Variants in HLTF observed in about 807,000 individuals in gnomAD.
HLTF encodes helicase like transcription factor, also known as DNA-dependent ATPase/E3 ubiquitin-protein ligase HLTF.
Under a neutral mutation model 129.4 loss-of-function variants are expected in HLTF, and 127 were observed. That is an observed-to-expected ratio of 0.98 (90% CI 0.85 to 1.14). The LOEUF (loss-of-function observed/expected upper bound fraction) is 1.14, where lower values mean the gene tolerates loss of function less well. HLTF is among the 50% of genes most tolerant of loss of function. The probability of loss-of-function intolerance (pLI) is 0.00; values close to 1 mark genes in which losing one functional copy is unlikely to be tolerated. For synonymous variants in HLTF, 332 were observed against 388.8 expected, an observed-to-expected ratio of 0.85 and a Z score of 1.72; for missense variants, 1,139 against 1,187.1, an observed-to-expected ratio of 0.96 and a Z score of 0.60.
chr3:149,075,640 T>C (rs983820324), intron 3 of HLTF, among the ~76,000 whole-genome samples: 5 of 152,214 alleles, frequency 3.3e-5, no homozygotes, highest in African/African-American at 1.2e-4. Flanking sequence ...TTCCTAATAT[T>C]TGAACCAAGG....
intron 2 of HLTF, among the ~76,000 whole-genome samples, chr3:149,078,588 T>C (rs962295739): frequency 1.3e-4 from 20 of 152,028 alleles, no homozygotes; most frequent in African/African-American, 4.3e-4. Flanking sequence ...CCGGGCACAG[T>C]GGCTCACGCC....
intron 2 of HLTF, among the ~76,000 whole-genome samples, chr3:149,082,104 C>T (rs553070128): frequency 3.3e-5 from 5 of 152,282 alleles, no homozygotes; most frequent in Non-Finnish European, 4.4e-5. Flanking sequence ...TAAAATAGTA[C>T]ATACTGTAGA....
At chr3:149,066,129 C>T (rs35042588) in intron 8 of HLTF, among the ~76,000 whole-genome samples, 3,727 of 152,092 alleles carry the variant, frequency 0.025, 75 homozygotes, top group Non-Finnish European at 0.039. Context: ...TCATTGAAAC[C>T]TCTACCTCCT....
rs1260212274 is a variant in HLTF at position 149,031,971 on chromosome 3, A to G, written c.*249T>C. The G allele has an allele frequency of 3.8e-6, 1 of 264,220 alleles. No individual in the cohort carries two copies. 16.4% of individuals were successfully genotyped at this position (264,220 alleles called of 1,614,324 possible). A position where few individuals can be genotyped will look rare whatever the true frequency, so the allele number is the denominator to read the frequency against. ...CAGCATAGATATTATGAAAAGCTGA[A>G]TAACAAAGTAACCTTTTTTCTCAAA... On this transcript the variant is annotated 3_prime_UTR_variant, in exon 25 of 25. Coordinates refer to ENST00000310053, the MANE Select transcript of HLTF (RefSeq NM_003071.4).
Position 149,043,703 on chromosome 3 carries a change from A to G in HLTF, c.2073-1413T>C, listed in dbSNP as rs139808349. Among the ~76,000 whole-genome samples, 483 of 152,300 alleles carry G rather than the reference A, an allele frequency of 3.2e-3. 2 individuals carry two copies. The highest frequency in any genetic ancestry group is 0.018 in the South Asian group (85 of 4,834). On this transcript the variant is annotated intron_variant, in intron 18 of 24. Transcript: ENST00000310053. ...TTTAAGTATTTTAAGGCAACAGAAG[A>G]AATATAGCCTAACGGCTAAGAGTAC...
chr3:149,041,430 T>C, intron 20 of HLTF, 60 bp downstream of exon 20: 1 of 1,072,718 alleles, frequency 9.3e-7, no homozygotes, highest in Non-Finnish European at 1.3e-6. Context: ...TCTTTTATTA[T>C]ATTAAAGACA....
At position 149,036,536 on chromosome 3, in the gene HLTF, C is replaced by A. The variant is rs529440176; in HGVS notation, c.2797-1538G>T. On this transcript the variant is annotated intron_variant, in intron 23 of 24. Transcript: ENST00000310053. ...TCTCTTGACCTCATGATCCGCCCAC[C>A]TCGGCCTCCCACAAAGTGCTGGGAT... Among the ~76,000 whole-genome samples, 26 of 152,136 alleles carry A rather than the reference C, an allele frequency of 1.7e-4. No individual in the cohort carries two copies. The Middle Eastern group carries it at 0.01, about 60-fold the overall frequency.
At chr3:149,047,739 A>C (rs1716671886) in intron 17 of HLTF, among the ~76,000 whole-genome samples, 1 of 152,232 alleles carries the variant, frequency 6.6e-6, no homozygotes, top group South Asian at 2.1e-4. Flanking sequence ...TTCCTGCTAA[A>C]TCTGTTAATG....
chr3:149,084,754 A>G lies in HLTF; in HGVS notation c.156T>C (p.Asp52=), dbSNP rs1720201785. ...CAAATAAAACGGAATCTACTTCTTC[A>G]TCACTAGTTAGAAAGTCATCTGGAG... ...VIPPDDFLTS[D]EEVDSVLFGS... is the part of the protein sequence containing the mutation. The change falls in exon 2 of 25, where the codon GAT becomes GAC. Residue 52 remains aspartate, a synonymous_variant. Coordinates refer to ENST00000310053, the MANE Select transcript of HLTF (RefSeq NM_003071.4). 6.2e-7 allele frequency: 1 copy of G among 1,613,986 alleles called. No individual in the cohort carries two copies. Among genetic ancestry groups the G allele is most frequent in the Non-Finnish European group, 8.5e-7 (1 of 1,179,988 alleles).
Position 149,035,910 on chromosome 3 carries a change from C to A in HLTF, c.2797-912G>T, listed in dbSNP as rs370131290. ...CAGCACTTTGGGAGGCCGAGGCAGG[C>A]AGATCACGAGTTCAGGAGATCGAGA... On this transcript the variant is annotated intron_variant, in intron 23 of 24. Coordinates refer to ENST00000310053, the MANE Select transcript of HLTF (RefSeq NM_003071.4). 3.3e-4 allele frequency among the ~76,000 whole-genome samples: 50 copies of A among 151,824 alleles called. 1 individual carries two copies. Among genetic ancestry groups the A allele is most frequent in the African/African-American group, 1.0e-3 (43 of 41,426 alleles).
rs1715042600 is a variant in HLTF, at chr3:149,031,545, T to G, written c.*675A>C. 6.6e-6 allele frequency: 1 copy of G among 152,580 alleles called. No individual in the cohort carries two copies. Among genetic ancestry groups the G allele is most frequent in the South Asian group, 2.1e-4 (1 of 4,824 alleles). The allele number at this position is 152,580 out of a possible 1,614,324, so 9.5% of individuals were successfully genotyped here. On this transcript the variant is annotated 3_prime_UTR_variant, in exon 25 of 25. Transcript: ENST00000310053. ...ATACCTCAGACACAGCAAGTTACATTTAAACAATGAGTGTAGTACTACTTA... is the reference window on the plus strand; with the variant it reads ...ATACCTCAGACACAGCAAGTTACATGTAAACAATGAGTGTAGTACTACTTA...
In HLTF at chr3:149,084,613, G is replaced by A. The variant is rs1350263350; in HGVS notation, c.228+69C>T. The A allele has an allele frequency of 8.9e-6, 10 of 1,122,422 alleles. No homozygotes were observed. The Admixed American group carries it at 1.0e-4, about 11-fold the overall frequency. The allele number at this position is 1,122,422 out of a possible 1,614,324, so 69.5% of individuals were successfully genotyped here. ...AAGATTAACCGCACACATCACCTGC[G>A]AATTCTCTTATTTTCTAGGTTAACG... On this transcript the variant is annotated intron_variant, in intron 2 of 24. Transcript: ENST00000310053.
intron 13 of HLTF, among the ~76,000 whole-genome samples, chr3:149,056,909 A>G (rs1255081105): frequency 6.6e-6 from 1 of 151,518 alleles, no homozygotes; most frequent in East Asian, 1.9e-4. Flanking sequence ...GGAGCTCGAG[A>G]CCATCCTGGC....
At chr3:149,036,148 A>G (rs1292058019) in intron 23 of HLTF, among the ~76,000 whole-genome samples, 4 of 151,972 alleles carry the variant, frequency 2.6e-5, no homozygotes, top group African/African-American at 9.7e-5. Flanking sequence ...AAAAAACAAA[A>G]AACAAAAAAC....
chr3:149,071,410 G>C lies in HLTF; in HGVS notation c.736C>G (p.Gln246Glu), dbSNP rs757018453. Reference sequence around the variant, plus strand: ...CGTGACACCATCCAAGCTAGAGCTTGTTTTTGATGTGGAAGCAGTGGTGTT... The same window carrying C: ...CGTGACACCATCCAAGCTAGAGCTTCTTTTTGATGTGGAAGCAGTGGTGTT... ...IETPLLPHQKQALAWMVSREN... is the reference protein window; with the variant it reads ...IETPLLPHQKEALAWMVSREN... The change falls in exon 7 of 25, where the codon CAA becomes GAA. Residue 246 changes from glutamine (Q) to glutamate (E), a missense_variant. Gln to Glu is a conservative substitution (Grantham distance 29). Coordinates refer to ENST00000310053, the MANE Select transcript of HLTF (RefSeq NM_003071.4). 6.2e-7 allele frequency: 1 copy of C among 1,613,246 alleles called. No homozygotes were observed.
rs188730548 is a variant in HLTF at position 149,073,844 on chromosome 3, C to G, written c.529+371G>C. 6.7e-3 allele frequency among the ~76,000 whole-genome samples: 1,015 copies of G among 152,206 alleles called. 7 individuals are homozygous for G. Among genetic ancestry groups the G allele is most frequent in the African/African-American group, 0.023 (960 of 41,510 alleles). ...TTGAACAAACTCTTGCCAAGCAATCCTTTTCATTCGCTATCAGAAGATTAT... is the reference window on the plus strand; with the variant it reads ...TTGAACAAACTCTTGCCAAGCAATCGTTTTCATTCGCTATCAGAAGATTAT... On this transcript the variant is annotated intron_variant, in intron 4 of 24. Coordinates refer to ENST00000310053, the MANE Select transcript of HLTF (RefSeq NM_003071.4).
At chr3:149,057,838 CA>C (rs950671916) in intron 13 of HLTF, among the ~76,000 whole-genome samples, 5 of 152,198 alleles carry the variant, frequency 3.3e-5, no homozygotes, top group African/African-American at 1.2e-4. Flanking sequence ...CCCTACTGGA[CA>C]ACATGTACAT....
chr3:149,060,536 G>T, intron 12 of HLTF, 107 bp downstream of exon 12: 2 of 856,692 alleles, frequency 2.3e-6, no homozygotes, highest in Non-Finnish European at 1.9e-6. Flanking sequence ...CATCAGCCAA[G>T]TTTAAGAGCT....
chr3:149,086,136 C>G (rs2108085909), intron 1 of HLTF, among the ~76,000 whole-genome samples, 181 bp downstream of exon 1: 1 of 152,310 alleles, frequency 6.6e-6, no homozygotes, highest in Admixed American at 6.5e-5. Context: ...GCCCTAGGAG[C>G]CCCTACTCGC....
Sources: gnomAD v4.1 joint callset for allele counts (sites outside exome capture counted in the v4.1 genomes callset) on GRCh38, gnomAD v4.1.1 for gene constraint, MANE v1.5 for transcripts, NCBI Gene and HGNC (gene_info 2026-07-23, HGNC 2026-07-21) for gene names.